The following RPS6KC1 variants were observed in gnomAD, a reference collection of about 807,000 sequenced individuals.
The protein encoded by RPS6KC1 is ribosomal protein S6 kinase C1.
Under a neutral mutation model 103.8 loss-of-function variants are expected in RPS6KC1, and 54 were observed. The observed-to-expected ratio is 0.52, with a 90% confidence interval of 0.42 to 0.65. The LOEUF is 0.65. RPS6KC1 is among the 30% of genes least tolerant of loss of function. The pLI is 0.00. For missense variants in RPS6KC1, 1,151 were observed against 1,253.8 expected (o/e 0.92, Z 1.24); for synonymous variants, 439 against 438.7 (o/e 1.00, Z -0.01).
At chr1:213,743,734 C>T in the RPS6KC1 span, among the ~76,000 whole-genome samples, 3 of 152,146 alleles carry the variant, frequency 2.0e-5, no homozygotes, top group Admixed American at 6.5e-5. Context: ...CAGCCTATGC[C>T]GCTGGGAGAG....
chr1:213,366,046 G>C, the RPS6KC1 span, among the ~76,000 whole-genome samples: 1 of 152,310 alleles, frequency 6.6e-6, no homozygotes, highest in East Asian at 1.9e-4. Flanking sequence ...GCAATACCTG[G>C]AGAAGGCTGG....
At chr1:213,061,491 C>T (rs1352338755) in intron 1 of RPS6KC1, among the ~76,000 whole-genome samples, 7 of 151,988 alleles carry the variant, frequency 4.6e-5, no homozygotes, top group Non-Finnish European at 8.8e-5. Context: ...GAGAGAAGAA[C>T]TCAGGTGCAG....
chr1:213,347,746 G>A, the RPS6KC1 span, among the ~76,000 whole-genome samples: 29 of 152,186 alleles, frequency 1.9e-4, no homozygotes, highest in Middle Eastern at 3.4e-3. Flanking sequence ...TAGAGTAATA[G>A]TATAAGTCTA....
At chr1:213,236,277 C>T (rs1229334015) in intron 10 of RPS6KC1, among the ~76,000 whole-genome samples, 2 of 152,026 alleles carry the variant, frequency 1.3e-5, no homozygotes, top group African/African-American at 2.4e-5. Flanking sequence ...TGGCGTAGGT[C>T]GTAAAGAATG....
chr1:213,266,155 A>G (rs2094907262), intron 14 of RPS6KC1, among the ~76,000 whole-genome samples: 1 of 152,232 alleles, frequency 6.6e-6, no homozygotes. Flanking sequence ...TGAAGCATAT[A>G]TTGGAATTAT....
At chr1:213,459,829 C>T in the RPS6KC1 span, among the ~76,000 whole-genome samples, 1 of 152,130 alleles carries the variant, frequency 6.6e-6, no homozygotes. Context: ...TTATTTCTGC[C>T]TTCATTTTGT....
chr1:213,726,403 C>G, the RPS6KC1 span, among the ~76,000 whole-genome samples: 2 of 152,148 alleles, frequency 1.3e-5, no homozygotes, highest in Non-Finnish European at 2.9e-5. Context: ...TTTCAAAAGG[C>G]AGATGGCACT....
chr1:213,570,321 G>A, the RPS6KC1 span, among the ~76,000 whole-genome samples: 3 of 152,212 alleles, frequency 2.0e-5, no homozygotes, highest in East Asian at 1.9e-4. Context: ...CACAGTAATC[G>A]CTCAAAAAAG....
At chr1:213,397,330 T>C in the RPS6KC1 span, among the ~76,000 whole-genome samples, 1 of 152,220 alleles carries the variant, frequency 6.6e-6, no homozygotes, top group South Asian at 2.1e-4. Flanking sequence ...AAAAAAATTC[T>C]TCTCCCCACA....
chr1:213,669,095 G>T, the RPS6KC1 span, among the ~76,000 whole-genome samples: 141 of 152,328 alleles, frequency 9.3e-4, no homozygotes, highest in African/African-American at 3.0e-3. Flanking sequence ...CACTGGAGTT[G>T]TGCTTTTAAT....
chr1:213,650,380 C>G, the RPS6KC1 span, among the ~76,000 whole-genome samples: 2 of 152,098 alleles, frequency 1.3e-5, no homozygotes, highest in South Asian at 4.1e-4. Context: ...AAATAGTCAG[C>G]CTTAGTGAGA....
At chr1:213,707,396 GT>G in the RPS6KC1 span, among the ~76,000 whole-genome samples, 142 of 150,866 alleles carry the variant, frequency 9.4e-4, 1 homozygote, top group African/African-American at 3.3e-3. Context: ...TGATGGGGTT[GT>G]TTTTTTTTCT....
chr1:213,320,385 G>A, the RPS6KC1 span, among the ~76,000 whole-genome samples: 1 of 152,204 alleles, frequency 6.6e-6, no homozygotes, highest in Admixed American at 6.5e-5. Context: ...ACAGCACTGC[G>A]GGCTTGTTAT....
chr1:213,774,406 C>T, the RPS6KC1 span, among the ~76,000 whole-genome samples: 1 of 152,210 alleles, frequency 6.6e-6, no homozygotes, highest in Non-Finnish European at 1.5e-5. Context: ...CTAGTCAGCT[C>T]TTCCTAAAAG....
intron 14 of RPS6KC1, among the ~76,000 whole-genome samples, chr1:213,267,448 T>A (rs930659415): frequency 7.2e-5 from 11 of 151,870 alleles, no homozygotes; most frequent in Admixed American, 1.3e-4. Flanking sequence ...AAAATCAGAC[T>A]CTAGAGTTGC....
At chr1:213,705,141 A>C in the RPS6KC1 span, among the ~76,000 whole-genome samples, 1 of 152,226 alleles carries the variant, frequency 6.6e-6, no homozygotes, top group Admixed American at 6.5e-5. Flanking sequence ...ATGTTTGCTC[A>C]ATGCCCTGGG....
intron 6 of RPS6KC1, among the ~76,000 whole-genome samples, chr1:213,142,881 C>T (rs2087244158): frequency 6.6e-6 from 1 of 152,032 alleles, no homozygotes; most frequent in Non-Finnish European, 1.5e-5. Context: ...TTATTATATG[C>T]ACCGGGAAAC....
chr1:213,103,623 C>T (rs2082210985), intron 3 of RPS6KC1, among the ~76,000 whole-genome samples: 1 of 152,132 alleles, frequency 6.6e-6, no homozygotes, highest in African/African-American at 2.4e-5. Context: ...GCCTATATAA[C>T]TAGGAATCTC....
the RPS6KC1 span, among the ~76,000 whole-genome samples, chr1:213,360,822 A>T: frequency 2.0e-5 from 3 of 152,092 alleles, no homozygotes; most frequent in African/African-American, 7.2e-5. Context: ...CTGGAGGTCT[A>T]CTCCAGACCC....
Sources: allele counts gnomAD v4.1 joint callset (sites outside exome capture counted in the v4.1 genomes callset), GRCh38; gene constraint gnomAD v4.1.1; transcripts MANE v1.5; gene names NCBI Gene and HGNC (gene_info 2026-07-23, HGNC 2026-07-21).